FN1: variants seen among roughly 807,000 people sequenced by gnomAD.
FN1 encodes the protein fibronectin 1.
FN1 carries 106 observed loss-of-function variants against 297.3 expected under a neutral mutation model. The ratio of observed to expected loss-of-function variants is 0.36; its 90% confidence interval spans 0.30 to 0.42. The LOEUF (loss-of-function observed/expected upper bound fraction) is 0.42. Among genes scored for constraint, FN1 ranks in the 10% least tolerant of loss-of-function variants. The pLI, the probability that FN1 is intolerant of heterozygous loss-of-function variation, is 1.00. For synonymous variants in FN1, 1,149 were observed against 1,152.6 expected, an observed-to-expected ratio of 1.00 and a Z score of 0.06; for missense variants, 2,690 against 3,124.9, an observed-to-expected ratio of 0.86 and a Z score of 3.32.
At chr2:215,415,157 T>C (rs1348366134) in intron 12 of FN1, among the ~76,000 whole-genome samples, 199 bp from the exon 13 acceptor site, 1 of 152,230 alleles carries the variant, frequency 6.6e-6, no homozygotes, top group Non-Finnish European at 1.5e-5. Context: ...ATAATTATTA[T>C]TCTTCACATG....
intron 20 of FN1, among the ~76,000 whole-genome samples, chr2:215,401,257 A>AGGAAGGAAGGAAGGAAGGAAGGAAGGAAG (rs1559476133): frequency 3.2e-4 from 10 of 31,616 alleles, no homozygotes; most frequent in African/African-American, 8.5e-4. Flanking sequence ...AAAGGAAGAA[A>AGGAAGGAAGGAAGGAAGGAAGGAAGGAAG]GAAAGGAAGG....
intron 20 of FN1, among the ~76,000 whole-genome samples, chr2:215,400,124 G>A (rs893683572): frequency 2.6e-5 from 4 of 151,602 alleles, no homozygotes; most frequent in Non-Finnish European, 4.4e-5. Flanking sequence ...GGAGATAGAA[G>A]TTGCAGTGAG....
chr2:215,418,979 C>G (rs576360552), intron 12 of FN1, among the ~76,000 whole-genome samples: 1 of 152,306 alleles, frequency 6.6e-6, no homozygotes, highest in East Asian at 1.9e-4. Flanking sequence ...GCCAGAGTGT[C>G]TTAACCTAAC....
At position 215,423,534 on chromosome 2, in the gene FN1, G is replaced by A; in HGVS notation, c.1217-8C>T. ...CTCGAGTCTGAACCAAAACTGCCAGGAACAATACACAACAAAGAAGGAAAA... is the reference window on the plus strand; with the variant it reads ...CTCGAGTCTGAACCAAAACTGCCAGAAACAATACACAACAAAGAAGGAAAA... On this transcript the variant is annotated splice_polypyrimidine_tract_variant and splice_region_variant and intron_variant, in intron 8 of 45. Transcript: ENST00000354785. The A allele has an allele frequency of 6.2e-7, 1 of 1,613,562 alleles. No homozygotes were observed. The highest frequency in any genetic ancestry group is 8.5e-7 in the Non-Finnish European group (1 of 1,179,610).
At chr2:215,390,316 C>T (rs573052566) in intron 26 of FN1, among the ~76,000 whole-genome samples, 32 of 152,272 alleles carry the variant, frequency 2.1e-4, no homozygotes, top group South Asian at 1.4e-3. Flanking sequence ...TCCTACATAG[C>T]TGAGACCACA....
intron 10 of FN1, among the ~76,000 whole-genome samples, chr2:215,421,840 T>C (rs1416820863): frequency 6.6e-6 from 1 of 152,190 alleles, no homozygotes; most frequent in East Asian, 1.9e-4. Context: ...TTTGAAGCCA[T>C]CTTTTTGGCT....
chr2:215,377,733 C>T (rs2106316931), intron 35 of FN1, among the ~76,000 whole-genome samples: 1 of 152,146 alleles, frequency 6.6e-6, no homozygotes, highest in Non-Finnish European at 1.5e-5. Flanking sequence ...CCAGTGGGGT[C>T]TCCCCAAGCT....
chr2:215,390,396 G>A (rs566150320), intron 26 of FN1, among the ~76,000 whole-genome samples: 1 of 152,256 alleles, frequency 6.6e-6, no homozygotes, highest in Admixed American at 6.5e-5. Flanking sequence ...TGTTGCCCAG[G>A]CTGGTCTCGA....
intron 28 of FN1, among the ~76,000 whole-genome samples, chr2:215,385,196 G>GTT (rs1352748405): frequency 1.4e-5 from 2 of 145,534 alleles, no homozygotes; most frequent in African/African-American, 5.1e-5. Flanking sequence ...TTGGGGAAGA[G>GTT]TTTTTTTCCC....
Position 215,399,316 on chromosome 2 carries a change from C to T in FN1, c.3289G>A (p.Glu1097Lys), listed in dbSNP as rs753807100. 1.7e-5 allele frequency: 27 copies of T among 1,613,866 alleles called. No homozygotes were observed. In the African/African-American group the frequency reaches 1.9e-4, roughly 11 times the overall value. The stretch of plus-strand genomic sequence containing the variant: ...ATCACAATGGTGGTCTCAGTCACCT[C>T]GGTGTTGTAAGGTGGAATAGAGCTC... The part of the protein sequence containing the change: ...PGSSIPPYNT[E>K]VTETTIVITW... Residue 1097 changes from glutamate to lysine, a missense_variant, in exon 21 of 46, where the codon GAG becomes AAG. By Grantham distance (56) the Glu-to-Lys change is moderately conservative. Transcript: ENST00000354785.
chr2:215,424,296 T>C lies in FN1; in HGVS notation c.1066A>G (p.Asn356Asp), dbSNP rs369467145. Reference sequence around the variant, plus strand: ...AATGGTAAGACACATGGCTCTCCATTTGAGTTGCCACCGTAAGTCTGGGTT... The same window carrying C: ...AATGGTAAGACACATGGCTCTCCATCTGAGTTGCCACCGTAAGTCTGGGTT... ...AVTQTYGGNSNGEPCVLPFTY... is the reference protein window; with the variant it reads ...AVTQTYGGNSDGEPCVLPFTY... The change falls in exon 8 of 46, where the codon AAT (asparagine) becomes GAT (aspartate). Residue 356 changes from asparagine (N) to aspartate (D), a missense_variant. Transcript: ENST00000354785. The C allele has an allele frequency of 1.5e-5, 24 of 1,613,968 alleles. No homozygotes were observed. Among genetic ancestry groups the C allele is most frequent in the South Asian group, 2.2e-5 (2 of 91,088 alleles).
At position 215,380,987 on chromosome 2, in the gene FN1, T is replaced by C; in HGVS notation, c.5258A>G (p.Tyr1753Cys). The C allele has an allele frequency of 6.2e-7, 1 of 1,614,232 alleles. No homozygotes were observed. The stretch of plus-strand genomic sequence containing the variant: ...CTCAGGGCTCGAGTAGGTCACCCTG[T>C]ACCTGGAAACTTGCCCCTGTGGGCT... ...WESPQGQVSR[Y>C]RVTYSSPEDG... The change falls in exon 33 of 46, where the codon TAC becomes TGC. Residue 1753 changes from tyrosine (Y) to cysteine (C), a missense_variant. Tyr to Cys is a radical substitution (Grantham distance 194, BLOSUM62 -2). Around this residue, in one of 3 missense-constraint regions of FN1, gnomAD observed 1,743 missense variants for 1,945.2 expected, o/e 0.90. Transcript: ENST00000354785.
intron 28 of FN1, 79 bp downstream of exon 28, chr2:215,386,610 A>T (rs1333912124): frequency 9.5e-7 from 1 of 1,055,164 alleles, no homozygotes; most frequent in African/African-American, 1.7e-5. Context: ...CTGATGACAG[A>T]CAACAGCAAG....
chr2:215,394,087 G>A (rs550896449), intron 24 of FN1, among the ~76,000 whole-genome samples: 1 of 152,320 alleles, frequency 6.6e-6, no homozygotes, highest in African/African-American at 2.4e-5. Flanking sequence ...TGCTGTTTCA[G>A]TGCTCACATA....
Position 215,381,077 on chromosome 2 carries a change from ATGTC to A in FN1, c.5165-1_5167del, listed in dbSNP as rs2058135199. 1.2e-6 allele frequency: 2 copies of A among 1,614,118 alleles called. No individual in the cohort carries two copies. The highest frequency in any genetic ancestry group is 2.2e-5 in the South Asian group (2 of 91,090). ...GAATGCCAGTCCTTTAGGGCGATCA[ATGTC>A]TGTTAGGCAAATTAATGGTAAGAGG... On this transcript the variant is annotated splice_acceptor_variant and coding_sequence_variant, in exon 33 of 46. Transcript: ENST00000354785. LOFTEE classifies it high-confidence loss of function.
chr2:215,407,220 C>T lies in FN1; in HGVS notation c.2620G>A (p.Val874Ile), dbSNP rs761224603. 10 of 1,613,918 alleles carry T rather than the reference C, an allele frequency of 6.2e-6. No homozygotes were observed. Among genetic ancestry groups the T allele is most frequent in the Admixed American group, 3.3e-5 (2 of 60,006 alleles). ...GCATAGATAGTGATGTTATACTGAA[C>T]ACCAGGTTGCAAGTCACTGAGGGTG... ...SVTLSDLQPG[V>I]QYNITIYAVE... The change falls in exon 18 of 46, where the codon GTT becomes ATT. Residue 874 changes from valine (V) to isoleucine (I), a missense_variant. Val to Ile is a conservative substitution (Grantham distance 29). Around this residue, in one of 3 missense-constraint regions of FN1, gnomAD observed 71 missense variants for 121.7 expected, o/e 0.58. Transcript: ENST00000354785.
chr2:215,434,466 G>T (rs2067104205), intron 2 of FN1, among the ~76,000 whole-genome samples: 1 of 152,116 alleles, frequency 6.6e-6, no homozygotes, highest in Admixed American at 6.5e-5. Context: ...AACTTTGGGA[G>T]AGTAAAGCAA....
Position 215,409,693 on chromosome 2 carries a change from G to C in FN1, c.2169C>G (p.Ala723=). ...TGATTTCGGTCACAGATTCAGAAGT[G>C]GCCACAAGAGGAGAAAAGGGAGTCG... ...GETTPFSPLV[A]TSESVTEITA... Residue 723 remains alanine, a synonymous_variant, in exon 15 of 46, where the codon GCC becomes GCG. Transcript: ENST00000354785. 1.2e-6 allele frequency: 2 copies of C among 1,613,986 alleles called. No homozygotes were observed. Among genetic ancestry groups the C allele is most frequent in the Non-Finnish European group, 1.7e-6 (2 of 1,179,988 alleles).
chr2:215,400,941 G>T (rs2060936665), intron 20 of FN1, among the ~76,000 whole-genome samples: 1 of 150,594 alleles, frequency 6.6e-6, no homozygotes, highest in Non-Finnish European at 1.5e-5. Context: ...GACTACAGTT[G>T]CCCACCACCA....
Sources: gnomAD v4.1 joint callset for allele counts (sites outside exome capture counted in the v4.1 genomes callset) on GRCh38, gnomAD v4.1.1 for gene constraint, gnomAD v4.1.1 regional missense constraint, MANE v1.5 for transcripts, NCBI Gene and HGNC (gene_info 2026-07-23, HGNC 2026-07-21) for gene names.